Variants in RBFOX1 observed in about 807,000 individuals in gnomAD.
RBFOX1 encodes RNA binding fox-1 homolog 1, also known as RNA binding protein fox-1 homolog 1.
RBFOX1 carries 8 observed loss-of-function variants against 57.7 expected under a neutral mutation model. The observed-to-expected ratio is 0.14, with a 90% CI of 0.08 to 0.25. RBFOX1 has a LOEUF of 0.25. RBFOX1 is among the 10% of genes least tolerant of loss of function. RBFOX1 has a pLI of 1.00. For synonymous variants in RBFOX1, 326 were observed against 222.4 expected (o/e 1.47, Z -4.15); for missense variants, 611 against 548.5 (o/e 1.11, Z -1.14).
Position 6,287,585 on chromosome 16 carries a change from A to G in RBFOX1, c.-126-29410A>G, listed in dbSNP as rs1022696499. 4.6e-5 allele frequency among the ~76,000 whole-genome samples: 7 copies of G among 152,174 alleles called. No homozygotes were observed. In the East Asian group the frequency reaches 1.3e-3, roughly 29 times the overall value. On this transcript the variant is annotated intron_variant, in intron 1 of 15. Coordinates refer to ENST00000550418, the MANE Select transcript of RBFOX1 (RefSeq NM_018723.4). Reference sequence around the variant, plus strand: ...AGGGCAGTGCCTGATTCATAGTTAGACTTTAGTAAACATTTGATGAATGAC... The same window carrying G: ...AGGGCAGTGCCTGATTCATAGTTAGGCTTTAGTAAACATTTGATGAATGAC...
intron 1 of RBFOX1, among the ~76,000 whole-genome samples, chr16:5,259,167 A>G (rs1003249080): frequency 4.0e-5 from 6 of 151,078 alleles, no homozygotes; most frequent in African/African-American, 7.3e-5. Context: ...AGTAATGAAT[A>G]TTTATAGGTT....
At chr16:7,090,887 A>T (rs1476447535) in intron 4 of RBFOX1, among the ~76,000 whole-genome samples, 1 of 84,360 alleles carries the variant, frequency 1.2e-5, no homozygotes, top group Non-Finnish European at 2.7e-5. Context: ...GACCAGCACA[A>T]CCTCCCTTGA....
At chr16:6,975,542 C>T (rs557380546) in intron 3 of RBFOX1, among the ~76,000 whole-genome samples, 2 of 152,226 alleles carry the variant, frequency 1.3e-5, no homozygotes, top group Admixed American at 1.3e-4. Flanking sequence ...GCTGGGATTA[C>T]AGGCGTGAGC....
intron 5 of RBFOX1, among the ~76,000 whole-genome samples, chr16:7,548,276 C>T (rs2085199817): frequency 6.6e-6 from 1 of 152,090 alleles, no homozygotes; most frequent in African/African-American, 2.4e-5. Context: ...GGTTCACGTG[C>T]CTCCTGAATA....
At chr16:6,238,705 T>G (rs1598688762) in intron 1 of RBFOX1, among the ~76,000 whole-genome samples, 1 of 152,344 alleles carries the variant, frequency 6.6e-6, no homozygotes, top group East Asian at 1.9e-4. Context: ...TGGTTTTTAT[T>G]GTTTGCAATG....
chr16:6,153,546 TC>T (rs533884876), intron 1 of RBFOX1, among the ~76,000 whole-genome samples: 1 of 152,068 alleles, frequency 6.6e-6, no homozygotes, highest in Non-Finnish European at 1.5e-5. Flanking sequence ...GTTTTTTTTT[TC>T]CCCCTTGGGA....
chr16:5,815,348 A>G (rs1445580935), intron 3 of RBFOX1, among the ~76,000 whole-genome samples: 2 of 151,444 alleles, frequency 1.3e-5, no homozygotes, highest in Admixed American at 6.6e-5. Context: ...ATTCCCTTCT[A>G]TCCTCCCATC....
At chr16:5,936,130 GGTT>G (rs2059163230) in intron 4 of RBFOX1, among the ~76,000 whole-genome samples, 1 of 152,052 alleles carries the variant, frequency 6.6e-6, no homozygotes, top group Admixed American at 6.6e-5. Flanking sequence ...TGGTGGTGGT[GGTT>G]GTTGTTTTGA....
chr16:5,600,856 C>A (rs1040950852), downstream of RBFOX1, among the ~76,000 whole-genome samples: 1 of 152,136 alleles, frequency 6.6e-6, no homozygotes, highest in African/African-American at 2.4e-5. Context: ...AATGTTTGAT[C>A]TCTGTTCTTT....
chr16:6,306,227 T>C (rs1406408981), intron 1 of RBFOX1, among the ~76,000 whole-genome samples: 7 of 152,126 alleles, frequency 4.6e-5, no homozygotes, highest in Non-Finnish European at 1.0e-4. Flanking sequence ...AGGGAACCTG[T>C]CCTAGATTTG....
chr16:6,572,594 CTCTG>C (rs1378595373), intron 2 of RBFOX1, among the ~76,000 whole-genome samples: 6 of 151,350 alleles, frequency 4.0e-5, no homozygotes, highest in Admixed American at 6.6e-5. Context: ...TTCCCACCTT[CTCTG>C]TCTTTTTTTT....
At chr16:5,841,765 G>T (rs1257730078) in intron 3 of RBFOX1, among the ~76,000 whole-genome samples, 1 of 152,156 alleles carries the variant, frequency 6.6e-6, no homozygotes, top group Non-Finnish European at 1.5e-5. Context: ...AACTGAACAG[G>T]CCTGATGCAG....
intron 3 of RBFOX1, chr16:6,722,011 C>G (rs981584973): frequency 2.0e-5 from 3 of 152,564 alleles, no homozygotes; most frequent in Admixed American, 6.5e-5. Context: ...AAATTTCCTT[C>G]CTATTTAAGG....
intron 4 of RBFOX1, among the ~76,000 whole-genome samples, chr16:7,320,210 T>G (rs2096521556): frequency 1.3e-5 from 2 of 152,132 alleles, no homozygotes. Flanking sequence ...ATCAGCTATT[T>G]ATCCTGATGC....
At chr16:7,369,233 C>G (rs1183049547) in intron 4 of RBFOX1, among the ~76,000 whole-genome samples, 1 of 151,934 alleles carries the variant, frequency 6.6e-6, no homozygotes, top group Non-Finnish European at 1.5e-5. Flanking sequence ...CAAACACACC[C>G]AAACAAACAG....
intron 4 of RBFOX1, among the ~76,000 whole-genome samples, chr16:5,890,058 G>A (rs1171387897): frequency 1.3e-5 from 2 of 152,164 alleles, no homozygotes; most frequent in Non-Finnish European, 2.9e-5. Flanking sequence ...AGTTCCGTGT[G>A]TTCCAGCTTC....
At chr16:6,667,941 A>C (rs563725162) in intron 3 of RBFOX1, among the ~76,000 whole-genome samples, 1 of 152,276 alleles carries the variant, frequency 6.6e-6, no homozygotes, top group South Asian at 2.1e-4. Context: ...TATTACACTT[A>C]AATCTGCTTT....
chr16:7,421,500 C>T (rs1013411840), intron 4 of RBFOX1, among the ~76,000 whole-genome samples: 1 of 152,160 alleles, frequency 6.6e-6, no homozygotes, highest in Non-Finnish European at 1.5e-5. Flanking sequence ...GTGACATTTC[C>T]CAGGCACAGC....
intron 3 of RBFOX1, among the ~76,000 whole-genome samples, chr16:6,876,208 C>A (rs1383840292): frequency 6.6e-6 from 1 of 151,826 alleles, no homozygotes; most frequent in East Asian, 1.9e-4. Context: ...CAAAGCAAAA[C>A]AAAAAGCATC....
Sources: gnomAD v4.1 joint callset for allele counts (sites outside exome capture counted in the v4.1 genomes callset) on GRCh38, gnomAD v4.1.1 for gene constraint, MANE v1.5 for transcripts, NCBI Gene and HGNC (gene_info 2026-07-23, HGNC 2026-07-21) for gene names.